PBX1: variants seen among roughly 807,000 people sequenced by gnomAD.
PBX1 encodes pre-B-cell leukemia transcription factor 1.
In PBX1, 6 loss-of-function variants were observed where a neutral mutation model predicts 53.4. The ratio of observed to expected loss-of-function variants is 0.11; its 90% CI spans 0.06 to 0.22. The LOEUF (loss-of-function observed/expected upper bound fraction) is 0.22. Ranked by LOEUF, PBX1 falls within the 10% of genes least tolerant of loss-of-function variation. PBX1 has a pLI of 1.00. For missense variants in PBX1, 251 were observed against 551.4 expected (o/e 0.46, Z 5.46); for synonymous variants, 204 against 212.3 (o/e 0.96, Z 0.34).
intron 2 of PBX1, among the ~76,000 whole-genome samples, chr1:164,676,611 A>T (rs755057940): frequency 1.3e-4 from 20 of 152,222 alleles, no homozygotes; most frequent in Non-Finnish European, 2.5e-4. Flanking sequence ...GAAATGGATT[A>T]TAATTGAAGC....
intron 2 of PBX1, among the ~76,000 whole-genome samples, chr1:164,582,753 A>T (rs1654704426): frequency 6.6e-6 from 1 of 152,160 alleles, no homozygotes; most frequent in Non-Finnish European, 1.5e-5. Context: ...GATGCTAGTG[A>T]TATGATAGGC....
intron 2 of PBX1, among the ~76,000 whole-genome samples, chr1:164,779,189 G>A (rs143892444): frequency 4.1e-4 from 62 of 152,086 alleles, no homozygotes; most frequent in Middle Eastern, 3.4e-3. Context: ...AAAATATGGC[G>A]TATTTAGTTC....
chr1:164,700,643 G>A (rs1663064631), intron 2 of PBX1: 1 of 985,240 alleles, frequency 1.0e-6, no homozygotes, highest in Non-Finnish European at 1.2e-6. Context: ...AATAATAAAG[G>A]TGATCGTGTC....
intron 2 of PBX1, among the ~76,000 whole-genome samples, chr1:164,866,005 A>G (rs1367995977): frequency 6.6e-6 from 1 of 152,208 alleles, no homozygotes; most frequent in Non-Finnish European, 1.5e-5. Context: ...CAAGGCACAC[A>G]GTTACCTCAA....
chr1:164,666,861 C>T (rs1416939614), intron 2 of PBX1, among the ~76,000 whole-genome samples: 3 of 152,154 alleles, frequency 2.0e-5, no homozygotes, highest in Non-Finnish European at 2.9e-5. Context: ...TTTATTAGAT[C>T]GTCTCATTGA....
intron 2 of PBX1, among the ~76,000 whole-genome samples, chr1:164,790,299 C>T (rs540370803): frequency 4.7e-4 from 72 of 152,238 alleles, no homozygotes; most frequent in African/African-American, 1.6e-3. Context: ...AGCAGTTTCC[C>T]ATTCAGTCTC....
At chr1:164,742,036 C>A in intron 2 of PBX1, among the ~76,000 whole-genome samples, 1 of 151,834 alleles carries the variant, frequency 6.6e-6, no homozygotes, top group East Asian at 1.9e-4. Flanking sequence ...ACAAAAAATA[C>A]CCATTATTGA....
chr1:164,625,604 G>A (rs932558200), intron 2 of PBX1, among the ~76,000 whole-genome samples: 3 of 152,142 alleles, frequency 2.0e-5, no homozygotes, highest in African/African-American at 7.2e-5. Context: ...AAGCGAGCCA[G>A]TGGAAAAAGC....
intron 2 of PBX1, among the ~76,000 whole-genome samples, chr1:164,586,658 C>T (rs548524019): frequency 1.1e-4 from 17 of 152,192 alleles, no homozygotes; most frequent in African/African-American, 4.1e-4. Context: ...TCTTTGTTAA[C>T]CTATACTGTC....
intron 4 of PBX1, among the ~76,000 whole-genome samples, chr1:164,806,620 G>A: frequency 6.6e-6 from 1 of 152,242 alleles, no homozygotes; most frequent in East Asian, 1.9e-4. Flanking sequence ...GTAGTGGTCA[G>A]ACCTGAATTA....
chr1:164,825,485 C>T (rs1670410506), intron 8 of PBX1, among the ~76,000 whole-genome samples: 1 of 152,174 alleles, frequency 6.6e-6, no homozygotes, highest in Non-Finnish European at 1.5e-5. Flanking sequence ...ATTAAAAATT[C>T]ATTTTAATGA....
chr1:164,731,160 G>A (rs1009948755), intron 2 of PBX1, among the ~76,000 whole-genome samples: 2 of 152,106 alleles, frequency 1.3e-5, no homozygotes, highest in African/African-American at 2.4e-5. Context: ...CTGCAGGCTG[G>A]ACTCCCTCTC....
chr1:164,804,853 A>G (rs900637076), intron 4 of PBX1, among the ~76,000 whole-genome samples: 1 of 152,224 alleles, frequency 6.6e-6, no homozygotes, highest in Non-Finnish European at 1.5e-5. Context: ...AACCATATCT[A>G]TAGTAATGTC....
In PBX1 at chr1:164,868,397, C is replaced by T. The variant is rs140359374; in HGVS notation, n.258-30791C>T. 1.4e-3 allele frequency among the ~76,000 whole-genome samples: 217 copies of T among 152,254 alleles called. 6 individuals are homozygous for T. The South Asian group carries it at 0.036, about 25-fold the overall frequency. ...GTCCGGGCTTTTGTTGGGACATCTC[C>T]CTGCTCTGCGTTGGTGTTTGGACCT... On this transcript the variant is annotated intron_variant and non_coding_transcript_variant, in intron 2 of 2. Coordinates refer to the PBX1 transcript ENST00000558796.
rs1671609855 is a variant in PBX1, at chr1:164,847,069, T to C, written c.*393T>C. 4.5e-6 allele frequency: 5 copies of C among 1,103,256 alleles called. No individual in the cohort carries two copies. The highest frequency in any genetic ancestry group is 5.6e-6 in the Non-Finnish European group (5 of 900,562). The allele number at this position is 1,103,256 out of a possible 1,614,324, so 68.3% of individuals were successfully genotyped here. A position where few individuals can be genotyped will look rare whatever the true frequency, so the allele number is the denominator to read the frequency against. On this transcript the variant is annotated 3_prime_UTR_variant, in exon 9 of 9. Transcript: ENST00000420696. ...GAAAATAATAAAAGTGTTTGTACGT[T>C]TTCATGCTGGTGGTTTGAGGAGCCA...
intron 2 of PBX1, among the ~76,000 whole-genome samples, chr1:164,733,012 G>A (rs184020880): frequency 6.6e-6 from 1 of 152,216 alleles, no homozygotes; most frequent in African/African-American, 2.4e-5. Context: ...TTTCAGTCTT[G>A]ATCTTATTGA....
At chr1:164,786,720 T>C (rs61802576) in intron 2 of PBX1, among the ~76,000 whole-genome samples, 34,934 of 116,106 alleles carry the variant, frequency 0.3, 4,392 homozygotes, top group South Asian at 0.4. Flanking sequence ...TGTGTGTGTG[T>C]GCGCGCGCAC....
chr1:164,609,011 A>G (rs537974773), intron 2 of PBX1, among the ~76,000 whole-genome samples: 42 of 152,250 alleles, frequency 2.8e-4, no homozygotes, highest in Non-Finnish European at 1.5e-4. Context: ...TTGGAGCTCC[A>G]CTGTCTGAGG....
rs188206497 is a variant in PBX1 at position 164,846,486 on chromosome 1, A to G, written c.1201-98A>G. The G allele has an allele frequency of 3.5e-5, 35 of 988,726 alleles. No individual in the cohort carries two copies. In the Admixed American group the frequency reaches 5.1e-4, roughly 15 times the overall value. 61.2% of individuals were successfully genotyped at this position (988,726 alleles called of 1,614,324 possible). ...TGAGTGTCTCCATGTGCCAGGCACT[A>G]TGCTAGGTCCTTTACACAAGATGCC... On this transcript the variant is annotated intron_variant, in intron 8 of 8. Coordinates refer to ENST00000420696, the MANE Select transcript of PBX1 (RefSeq NM_002585.4).
Sources: allele counts gnomAD v4.1 joint callset (sites outside exome capture counted in the v4.1 genomes callset), GRCh38; gene constraint gnomAD v4.1.1; transcripts MANE v1.5; gene names NCBI Gene and HGNC (gene_info 2026-07-23, HGNC 2026-07-21).